The following RBBP4 variants were observed in gnomAD, a reference collection of about 807,000 sequenced individuals.
RBBP4 encodes the protein histone-binding protein RBBP4.
In RBBP4, 3 loss-of-function variants were observed where a neutral mutation model predicts 57.2. That is an observed-to-expected ratio of 0.05 (90% CI 0.02 to 0.14). RBBP4 has a LOEUF of 0.14. Among genes scored for constraint, RBBP4 ranks in the 10% least tolerant of loss-of-function variants. The pLI, the probability that RBBP4 is intolerant of heterozygous loss-of-function variation, is 1.00. For synonymous variants in RBBP4, 151 were observed against 171.5 expected (o/e 0.88, Z 0.93); for missense variants, 107 against 520.6 (o/e 0.21, Z 7.73).
At chr1:32,671,166 A>C (rs556550559) in intron 8 of RBBP4, among the ~76,000 whole-genome samples, 1 of 152,268 alleles carries the variant, frequency 6.6e-6, no homozygotes, top group Admixed American at 6.5e-5. Context: ...AATCAGACTT[A>C]TATGTAATAC....
In RBBP4 at chr1:32,684,591, G is replaced by C. The variant is rs1467603256; in HGVS notation, c.*4886G>C. On this transcript the variant is annotated 3_prime_UTR_variant, in exon 12 of 12. Transcript: ENST00000373493. ...TGCTTTTGAAAATGATGACGAAAAA[G>C]GCATCTTGTCTGTTAACCACAGCTT... The C allele has an allele frequency of 3.1e-6, 2 of 653,814 alleles. No individual in the cohort carries two copies. The highest frequency in any genetic ancestry group is 3.7e-5 in the African/African-American group (2 of 54,596). 40.5% of individuals were successfully genotyped at this position (653,814 alleles called of 1,614,324 possible).
At chr1:32,673,970 G>A (rs982193656) in intron 11 of RBBP4, among the ~76,000 whole-genome samples, 6 of 151,946 alleles carry the variant, frequency 3.9e-5, no homozygotes, top group Admixed American at 2.6e-4. Flanking sequence ...GCGTGGTGGC[G>A]GGCGCCTGTA....
At chr1:32,673,123 T>C (rs910650856) in intron 11 of RBBP4, among the ~76,000 whole-genome samples, 1 of 152,150 alleles carries the variant, frequency 6.6e-6, no homozygotes, top group South Asian at 2.1e-4. Flanking sequence ...TGACCCTCTC[T>C]CCCACTTCTC....
rs745597774 is a variant in RBBP4 at position 32,683,206 on chromosome 1, C to G, written c.*3501C>G. 6.7e-6 allele frequency: 1 copy of G among 149,790 alleles called. No individual in the cohort carries two copies. The highest frequency in any genetic ancestry group is 6.7e-5 in the Admixed American group (1 of 14,874). 9.3% of individuals were successfully genotyped at this position (149,790 alleles called of 1,614,324 possible). A position where few individuals can be genotyped will look rare whatever the true frequency, so the allele number is the denominator to read the frequency against. On this transcript the variant is annotated 3_prime_UTR_variant, in exon 12 of 12. Coordinates refer to ENST00000373493, the MANE Select transcript of RBBP4 (RefSeq NM_005610.3). ...CTGAGGCAGGGGAATCGCTTGAACC[C>G]GGGAGGCAGAGGTCACGCCACTGCA...
intron 2 of RBBP4, 31 bp from the exon 3 acceptor site, chr1:32,657,396 T>G (rs1370563857): frequency 6.3e-7 from 1 of 1,599,268 alleles, no homozygotes; most frequent in African/African-American, 1.3e-5. Context: ...ATGTTACTAA[T>G]TTGAACAGTG....
At chr1:32,663,819 G>T (rs1337348058) in intron 3 of RBBP4, among the ~76,000 whole-genome samples, 2 of 151,916 alleles carry the variant, frequency 1.3e-5, no homozygotes, top group Non-Finnish European at 2.9e-5. Flanking sequence ...CTCGTGATCC[G>T]CCTGCCTCGG....
intron 11 of RBBP4, among the ~76,000 whole-genome samples, chr1:32,674,063 T>C (rs767347202): frequency 6.6e-6 from 1 of 152,192 alleles, no homozygotes; most frequent in Non-Finnish European, 1.5e-5. Context: ...ATTGCGTCAC[T>C]GCACTCTGGC....
intron 8 of RBBP4, among the ~76,000 whole-genome samples, chr1:32,670,720 A>C (rs1172936049): frequency 6.6e-6 from 1 of 152,144 alleles, no homozygotes; most frequent in Non-Finnish European, 1.5e-5. Flanking sequence ...TTACAGGCGT[A>C]AGCCACCACG....
In RBBP4 at chr1:32,679,978, G is replaced by T. The variant is rs1413267208; in HGVS notation, c.*273G>T. ...CTACAGAAAGGGGAATATTATGTGT[G>T]ATTATTTTTCTTCTTATGCTATATC... On this transcript the variant is annotated 3_prime_UTR_variant, in exon 12 of 12. Transcript: ENST00000373493. 1.6e-5 allele frequency: 19 copies of T among 1,203,230 alleles called. No individual in the cohort carries two copies. Among genetic ancestry groups the T allele is most frequent in the Non-Finnish European group, 2.0e-5 (19 of 969,402 alleles). The allele number at this position is 1,203,230 out of a possible 1,614,324, so 74.5% of individuals were successfully genotyped here. A position where few individuals can be genotyped will look rare whatever the true frequency, so the allele number is the denominator to read the frequency against.
chr1:32,657,837 A>G (rs998692518), intron 3 of RBBP4, among the ~76,000 whole-genome samples: 5 of 151,886 alleles, frequency 3.3e-5, no homozygotes, highest in South Asian at 4.2e-4. Context: ...GCAAAAATAT[A>G]TATTATTGCT....
chr1:32,653,672 T>TG (rs1648006320), intron 2 of RBBP4, among the ~76,000 whole-genome samples: 1 of 123,498 alleles, frequency 8.1e-6, no homozygotes, highest in Non-Finnish European at 1.6e-5. Flanking sequence ...TTTTGTTTTT[T>TG]TTTTTGAGAC....
chr1:32,655,217 TCCTCCCACTTTGA>T (rs1648082195), intron 2 of RBBP4, among the ~76,000 whole-genome samples: 1 of 152,046 alleles, frequency 6.6e-6, no homozygotes, highest in South Asian at 2.1e-4. Flanking sequence ...GCTCCAGTGA[TCCTCCCACTTTGA>T]CCTCCCAAAG....
intron 2 of RBBP4, among the ~76,000 whole-genome samples, chr1:32,653,985 T>A (rs1648027320): frequency 6.6e-6 from 1 of 151,738 alleles, no homozygotes; most frequent in South Asian, 2.1e-4. Context: ...TGACCAGGAG[T>A]TCCCACATGC....
chr1:32,681,548 G>T lies in RBBP4; in HGVS notation c.*1843G>T, dbSNP rs1649436313. ...TGTCCATACATTCATCCTTCACTCAGTGCATATGTGAGGGTTGTTGCTGGA... is the reference window on the plus strand; with the variant it reads ...TGTCCATACATTCATCCTTCACTCATTGCATATGTGAGGGTTGTTGCTGGA... On this transcript the variant is annotated 3_prime_UTR_variant, in exon 12 of 12. Coordinates refer to ENST00000373493, the MANE Select transcript of RBBP4 (RefSeq NM_005610.3). 4.6e-5 allele frequency: 24 copies of T among 526,504 alleles called. 2 individuals are homozygous for T. The South Asian group carries it at 5.5e-4, about 12-fold the overall frequency. 32.6% of individuals were successfully genotyped at this position (526,504 alleles called of 1,614,324 possible). A position where few individuals can be genotyped will look rare whatever the true frequency, so the allele number is the denominator to read the frequency against.
chr1:32,684,218 G>T lies in RBBP4; in HGVS notation c.*4513G>T. On this transcript the variant is annotated 3_prime_UTR_variant, in exon 12 of 12. Transcript: ENST00000373493. Reference sequence around the variant, plus strand: ...CCTAAGCCCTCCCACCATCCCCTCAGCCAGTATTAGATGAGATTTGTATAG... The same window carrying T: ...CCTAAGCCCTCCCACCATCCCCTCATCCAGTATTAGATGAGATTTGTATAG... 6.2e-7 allele frequency: 1 copy of T among 1,611,306 alleles called. No homozygotes were observed. The highest frequency in any genetic ancestry group is 8.5e-7 in the Non-Finnish European group (1 of 1,177,654).
intron 11 of RBBP4, among the ~76,000 whole-genome samples, chr1:32,673,778 G>A (rs1557859841): frequency 6.6e-6 from 1 of 152,008 alleles, no homozygotes; most frequent in Admixed American, 6.5e-5. Context: ...AAATAACTGT[G>A]GTGTCTCATA....
In RBBP4 at chr1:32,679,628, G is replaced by T; in HGVS notation, c.1213-12G>T. On this transcript the variant is annotated splice_polypyrimidine_tract_variant and intron_variant, in intron 11 of 11. Transcript: ENST00000373493. The stretch of plus-strand genomic sequence containing the variant: ...TCTTCATGTTTAAATTCTTTTTCTT[G>T]TTTTTGGGCAGGCAGAGAACATTTA... 1 of 1,562,438 alleles carries T rather than the reference G, an allele frequency of 6.4e-7. No individual in the cohort carries two copies. Among genetic ancestry groups the T allele is most frequent in the Admixed American group, 2.2e-5 (1 of 45,918 alleles).
At chr1:32,662,629 C>T (rs537365758) in intron 3 of RBBP4, among the ~76,000 whole-genome samples, 1 of 152,162 alleles carries the variant, frequency 6.6e-6, no homozygotes, top group South Asian at 2.1e-4. Flanking sequence ...CTGCCTCAGC[C>T]TCCCAAAGTG....
chr1:32,664,758 TG>T (rs2148523457), intron 3 of RBBP4, among the ~76,000 whole-genome samples: 2 of 152,176 alleles, frequency 1.3e-5, no homozygotes, highest in Middle Eastern at 3.4e-3. Context: ...GCCACTTTTT[TG>T]GGGGTGGTGG....
Sources: gnomAD v4.1 joint callset for allele counts (sites outside exome capture counted in the v4.1 genomes callset) on GRCh38, gnomAD v4.1.1 for gene constraint, MANE v1.5 for transcripts, NCBI Gene and HGNC (gene_info 2026-07-23, HGNC 2026-07-21) for gene names.